The following NXPE2 variants were observed in gnomAD, a reference collection of about 807,000 sequenced individuals.
The protein encoded by NXPE2 is neurexophilin and PC-esterase domain family member 2.
NXPE2 carries 34 observed loss-of-function variants against 34.4 expected under a neutral mutation model. That is an observed-to-expected ratio of 0.99 (90% confidence interval 0.75 to 1.31). The LOEUF (loss-of-function observed/expected upper bound fraction) is 1.31, where lower values mean the gene tolerates loss of function less well. Among genes scored for constraint, NXPE2 ranks in the 40% most tolerant of loss-of-function variants. The probability of loss-of-function intolerance (pLI) is 0.00; values close to 1 mark genes in which losing one functional copy is unlikely to be tolerated. For missense variants in NXPE2, 649 were observed against 672.5 expected (o/e 0.97, Z 0.39); for synonymous variants, 235 against 231.3 (o/e 1.02, Z -0.15).
At chr11:114,525,773 A>C in the NXPE2 span, among the ~76,000 whole-genome samples, 1 of 152,122 alleles carries the variant, frequency 6.6e-6, no homozygotes, top group Non-Finnish European at 1.5e-5. Flanking sequence ...CCATTTAGTG[A>C]AGTGTATATT....
Position 114,706,692 on chromosome 11 carries a change from C to T in NXPE2, c.1442C>T (p.Pro481Leu), listed in dbSNP as rs978192550. ...ATTGAACGTCTATTCTTGCGAAGCC[C>T]GGAGACCAAGGTGATACTTAAAACT... The part of the protein sequence containing the change: ...KAIERLFLRS[P>L]ETKVILKTEN... Residue 481 changes from proline to leucine, a missense_variant, in exon 6 of 6, where the codon CCG becomes CTG. Pro to Leu is a moderately conservative substitution (Grantham distance 98). Coordinates refer to ENST00000389586, the MANE Select transcript of NXPE2 (RefSeq NM_182495.6). The T allele has an allele frequency of 1.5e-5, 23 of 1,551,970 alleles. No homozygotes were observed. Among genetic ancestry groups the T allele is most frequent in the African/African-American group, 2.7e-5 (2 of 73,014 alleles).
At chr11:114,733,131 C>A in the NXPE2 span, among the ~76,000 whole-genome samples, 1 of 152,246 alleles carries the variant, frequency 6.6e-6, no homozygotes, top group South Asian at 2.1e-4. Context: ...GAGTCTCGCT[C>A]TGTCACCCAG....
At chr11:114,585,353 A>G in the NXPE2 span, among the ~76,000 whole-genome samples, 4 of 152,076 alleles carry the variant, frequency 2.6e-5, no homozygotes. Context: ...ATTTTAAAAA[A>G]ACAAGACCTA....
the NXPE2 span, among the ~76,000 whole-genome samples, chr11:114,800,139 G>T: frequency 6.6e-6 from 1 of 152,096 alleles, no homozygotes; most frequent in East Asian, 1.9e-4. Flanking sequence ...ATTTTCATTG[G>T]TCCTACTTAT....
the NXPE2 span, among the ~76,000 whole-genome samples, chr11:114,544,120 G>T: frequency 6.6e-6 from 1 of 152,266 alleles, no homozygotes; most frequent in South Asian, 2.1e-4. Context: ...CATGTTCATG[G>T]ATTGGACAGA....
the NXPE2 span, among the ~76,000 whole-genome samples, chr11:114,467,780 A>C: frequency 5.1e-3 from 781 of 152,056 alleles, 24 homozygotes; most frequent in Admixed American, 0.035. Flanking sequence ...ACAAAAAATA[A>C]AAAAATTTTG....
At chr11:114,668,475 C>G in the NXPE2 span, among the ~76,000 whole-genome samples, 7 of 151,914 alleles carry the variant, frequency 4.6e-5, no homozygotes, top group African/African-American at 1.7e-4. Context: ...AAATTTGTGA[C>G]AAGCACTATT....
chr11:114,551,961 C>G, the NXPE2 span: 1 of 152,206 alleles, frequency 6.6e-6, no homozygotes, highest in Non-Finnish European at 1.5e-5. Flanking sequence ...AGCCTTGCCT[C>G]TTTGTCCCTT....
chr11:114,810,346 C>G, the NXPE2 span, among the ~76,000 whole-genome samples: 1 of 142,116 alleles, frequency 7.0e-6, no homozygotes, highest in Non-Finnish European at 1.5e-5. Context: ...CAAATGAGAT[C>G]TAATTAAACT....
the NXPE2 span, among the ~76,000 whole-genome samples, chr11:114,789,995 T>C: frequency 4.5e-4 from 69 of 152,194 alleles, no homozygotes; most frequent in Non-Finnish European, 8.5e-4. Context: ...TTCCCTACAA[T>C]GAACTCAAGG....
At chr11:114,576,430 A>G in the NXPE2 span, among the ~76,000 whole-genome samples, 1 of 152,186 alleles carries the variant, frequency 6.6e-6, no homozygotes, top group Non-Finnish European at 1.5e-5. Context: ...AGAGTGGGAG[A>G]AAACCTTCAC....
the NXPE2 span, among the ~76,000 whole-genome samples, chr11:114,760,487 T>C: frequency 1.3e-5 from 2 of 152,180 alleles, no homozygotes; most frequent in Admixed American, 6.5e-5. Context: ...CAAAAACTTA[T>C]ATATGAAGCT....
At chr11:114,636,573 C>A in the NXPE2 span, among the ~76,000 whole-genome samples, 2,800 of 139,748 alleles carry the variant, frequency 0.02, 38 homozygotes, top group Non-Finnish European at 0.026. Flanking sequence ...AATTTTGGAT[C>A]TTTCCTGCTT....
chr11:114,568,989 G>A, the NXPE2 span, among the ~76,000 whole-genome samples: 1 of 152,242 alleles, frequency 6.6e-6, no homozygotes, highest in East Asian at 1.9e-4. Context: ...AAAAAAAAAT[G>A]TTGACCATCT....
At chr11:114,784,527 T>A in the NXPE2 span, among the ~76,000 whole-genome samples, 1 of 152,332 alleles carries the variant, frequency 6.6e-6, no homozygotes, top group East Asian at 1.9e-4. Flanking sequence ...TATACCTTTG[T>A]GTGGATTTCG....
At chr11:114,757,303 T>C in the NXPE2 span, among the ~76,000 whole-genome samples, 1 of 151,966 alleles carries the variant, frequency 6.6e-6, no homozygotes, top group Non-Finnish European at 1.5e-5. Flanking sequence ...TATGTATTTG[T>C]CCATCCTTTC....
the NXPE2 span, among the ~76,000 whole-genome samples, chr11:114,573,046 G>C: frequency 1.3e-5 from 2 of 152,120 alleles, no homozygotes; most frequent in Admixed American, 6.5e-5. Flanking sequence ...AGAAGGGATT[G>C]GGGTTCTATT....
the NXPE2 span, among the ~76,000 whole-genome samples, chr11:114,727,601 C>T: frequency 7.9e-5 from 12 of 152,052 alleles, no homozygotes; most frequent in African/African-American, 2.7e-4. Context: ...TAATACACAA[C>T]TTATATTAAA....
chr11:114,739,336 CT>C, the NXPE2 span, among the ~76,000 whole-genome samples: 2 of 30,490 alleles, frequency 6.6e-5, no homozygotes, highest in African/African-American at 1.0e-4. Flanking sequence ...TCCTTCCTTC[CT>C]TCCCCCCTTC....
Sources: gnomAD v4.1 joint callset for allele counts (sites outside exome capture counted in the v4.1 genomes callset) on GRCh38, gnomAD v4.1.1 for gene constraint, MANE v1.5 for transcripts, NCBI Gene and HGNC (gene_info 2026-07-23, HGNC 2026-07-21) for gene names.